ARB2A: variants seen among roughly 807,000 people sequenced by gnomAD.
The protein encoded by ARB2A is ARB2 cotranscriptional regulator A.
the ARB2A span, among the ~76,000 whole-genome samples, chr5:93,949,549 G>C: frequency 1.3e-5 from 2 of 151,960 alleles, no homozygotes; most frequent in African/African-American, 4.8e-5. Flanking sequence ...AACAGAGCGA[G>C]AGTCTCTAAT....
At chr5:93,635,459 GT>G in the ARB2A span, among the ~76,000 whole-genome samples, 872 of 128,886 alleles carry the variant, frequency 6.8e-3, 1 homozygote, top group Non-Finnish European at 8.7e-3. Context: ...TTATACGAAA[GT>G]TTTTTTTTTT....
chr5:93,724,184 G>A, the ARB2A span, among the ~76,000 whole-genome samples: 7 of 151,774 alleles, frequency 4.6e-5, no homozygotes, highest in Non-Finnish European at 7.4e-5. Flanking sequence ...TAACCTAAGG[G>A]TGCTCCGAGT....
chr5:94,095,613 T>G, the ARB2A span, among the ~76,000 whole-genome samples: 1 of 151,812 alleles, frequency 6.6e-6, no homozygotes. Flanking sequence ...TGCTTTATTT[T>G]AAATGATCCA....
At chr5:93,869,370 T>C in the ARB2A span, among the ~76,000 whole-genome samples, 1 of 152,174 alleles carries the variant, frequency 6.6e-6, no homozygotes, top group East Asian at 1.9e-4. Context: ...TCCAATATTA[T>C]CTTAGACAAA....
At chr5:93,986,235 C>T in the ARB2A span, among the ~76,000 whole-genome samples, 9 of 151,800 alleles carry the variant, frequency 5.9e-5, no homozygotes, top group Admixed American at 5.2e-4. Flanking sequence ...GCTGCCCGGT[C>T]TGAGAAGTGA....
chr5:93,741,073 A>C, the ARB2A span: 1 of 1,613,914 alleles, frequency 6.2e-7, no homozygotes, highest in Non-Finnish European at 8.5e-7. Context: ...GAAGCGGCAG[A>C]TGGTCGTCTG....
At chr5:93,887,979 T>C in the ARB2A span, among the ~76,000 whole-genome samples, 1 of 151,866 alleles carries the variant, frequency 6.6e-6, no homozygotes, top group Non-Finnish European at 1.5e-5. Context: ...TAGGAGTCTG[T>C]AAAACATGAA....
chr5:93,695,895 T>C, the ARB2A span, among the ~76,000 whole-genome samples: 1 of 152,160 alleles, frequency 6.6e-6, no homozygotes, highest in South Asian at 2.1e-4. Context: ...GGGACATGGA[T>C]GATGCTGAAA....
At chr5:93,800,423 A>ACACG in the ARB2A span, among the ~76,000 whole-genome samples, 1 of 146,552 alleles carries the variant, frequency 6.8e-6, no homozygotes, top group Admixed American at 6.9e-5. Context: ...ACACACACAC[A>ACACG]CGCACACAAA....
chr5:93,957,088 T>C, the ARB2A span, among the ~76,000 whole-genome samples: 3 of 152,174 alleles, frequency 2.0e-5, no homozygotes, highest in Admixed American at 6.5e-5. Flanking sequence ...TTCCTACTTA[T>C]AAGAACAAAA....
chr5:93,995,333 T>C, the ARB2A span, among the ~76,000 whole-genome samples: 1 of 152,212 alleles, frequency 6.6e-6, no homozygotes, highest in East Asian at 1.9e-4. Context: ...TTGCATATTT[T>C]TCATCATGTT....
At chr5:93,664,399 G>A in the ARB2A span, among the ~76,000 whole-genome samples, 1 of 151,812 alleles carries the variant, frequency 6.6e-6, no homozygotes, top group South Asian at 2.1e-4. Context: ...CATCACACCT[G>A]GGCTATAAGA....
At chr5:93,985,656 CTCTGGTGA>C in the ARB2A span, among the ~76,000 whole-genome samples, 2 of 152,214 alleles carry the variant, frequency 1.3e-5, no homozygotes, top group Admixed American at 6.5e-5. Context: ...TGCTCCTGAC[CTCTGGTGA>C]TCTGCCCGCC....
chr5:93,865,652 A>G, the ARB2A span: 2 of 985,276 alleles, frequency 2.0e-6, no homozygotes, highest in Admixed American at 6.1e-5. Context: ...TCCTAGCTTT[A>G]TCATCTATAT....
chr5:93,931,814 C>A, the ARB2A span, among the ~76,000 whole-genome samples: 1 of 151,750 alleles, frequency 6.6e-6, no homozygotes, highest in African/African-American at 2.4e-5. Context: ...TAAACTCTAT[C>A]CTGAATTCTA....
At chr5:94,040,504 TC>T in the ARB2A span, among the ~76,000 whole-genome samples, 2 of 71,658 alleles carry the variant, frequency 2.8e-5, no homozygotes, top group African/African-American at 5.4e-5. Context: ...CCCTCCCCCC[TC>T]CCCCAACCCC....
the ARB2A span, among the ~76,000 whole-genome samples, chr5:93,830,299 A>ATATG: frequency 0.45 from 17,388 of 38,784 alleles, 3,099 homozygotes; most frequent in Non-Finnish European, 0.51. Context: ...ATGTATATAT[A>ATATG]TGTGTGTGTG....
the ARB2A span, among the ~76,000 whole-genome samples, chr5:93,675,656 T>C: frequency 4.6e-5 from 7 of 152,178 alleles, no homozygotes; most frequent in African/African-American, 4.8e-5. Flanking sequence ...AAGTACCAGA[T>C]AGCACAGCTG....
the ARB2A span, among the ~76,000 whole-genome samples, chr5:94,056,677 G>A: frequency 3.9e-5 from 6 of 152,030 alleles, no homozygotes; most frequent in Admixed American, 2.6e-4. Flanking sequence ...ATAAAAATAC[G>A]ATTTCATACC....
Sources: allele counts gnomAD v4.1 joint callset (sites outside exome capture counted in the v4.1 genomes callset), GRCh38; gene constraint gnomAD v4.1.1; transcripts MANE v1.5; gene names NCBI Gene and HGNC (gene_info 2026-07-23, HGNC 2026-07-21).